Variants in SDCCAG8 observed in about 807,000 individuals in gnomAD.
SDCCAG8 encodes the protein serologically defined colon cancer antigen 8.
A neutral mutation model predicts 101.8 loss-of-function variants in SDCCAG8; 74 were observed. That is an observed-to-expected ratio of 0.73 (90% confidence interval 0.60 to 0.88). The LOEUF is 0.88. Among genes scored for constraint, SDCCAG8 ranks in the 40% least tolerant of loss-of-function variants. The pLI, the probability that SDCCAG8 is intolerant of heterozygous loss-of-function variation, is 0.00. For synonymous variants in SDCCAG8, 281 were observed against 292.9 expected, an observed-to-expected ratio of 0.96 and a Z score of 0.41; for missense variants, 787 against 822.6, an observed-to-expected ratio of 0.96 and a Z score of 0.53.
chr1:243,304,474 T>C (rs2071877424), intron 6 of SDCCAG8, among the ~76,000 whole-genome samples: 1 of 152,212 alleles, frequency 6.6e-6, no homozygotes, highest in South Asian at 2.1e-4. Flanking sequence ...GGATAAGACC[T>C]GATATATGCA....
At chr1:243,289,725 A>G (rs73118322) in intron 5 of SDCCAG8, among the ~76,000 whole-genome samples, 8,019 of 152,218 alleles carry the variant, frequency 0.053, 694 homozygotes, top group African/African-American at 0.18. Context: ...AGGACTATCT[A>G]ATTCTCTAAA....
intron 12 of SDCCAG8, among the ~76,000 whole-genome samples, chr1:243,359,476 T>A (rs1268467840): frequency 6.6e-6 from 1 of 152,106 alleles, no homozygotes; most frequent in Non-Finnish European, 1.5e-5. Context: ...ATCATCCAAG[T>A]CATATTTTAG....
At chr1:243,498,113 T>A (rs1668491063) in intron 17 of SDCCAG8, among the ~76,000 whole-genome samples, 1 of 152,196 alleles carries the variant, frequency 6.6e-6, no homozygotes, top group African/African-American at 2.4e-5. Flanking sequence ...ATGTGGCCAA[T>A]CCATGGAGCA....
At chr1:243,461,742 T>TTTAAAAA (rs1659149413) in intron 16 of SDCCAG8, among the ~76,000 whole-genome samples, 3 of 152,250 alleles carry the variant, frequency 2.0e-5, no homozygotes, top group Middle Eastern at 3.4e-3. Flanking sequence ...AAATGTACCA[T>TTTAAAAA]GGTACATTTT....
At chr1:243,324,459 C>CTT (rs34446782) in intron 9 of SDCCAG8, among the ~76,000 whole-genome samples, 40,460 of 86,898 alleles carry the variant, frequency 0.47, 11,370 homozygotes, top group Non-Finnish European at 0.52. Flanking sequence ...TCTTCACATG[C>CTT]TTTTTTTTTT....
chr1:243,393,817 A>G (rs1413676401), intron 13 of SDCCAG8, among the ~76,000 whole-genome samples: 1 of 152,228 alleles, frequency 6.6e-6, no homozygotes, highest in Non-Finnish European at 1.5e-5. Flanking sequence ...AAAAACTAAA[A>G]GCAACCATGT....
rs567072116 is a variant in SDCCAG8 at position 243,451,870 on chromosome 1, C to T, written c.1985+25312C>T. Among the ~76,000 whole-genome samples the T allele has an allele frequency of 2.6e-5, 4 of 152,216 alleles. No individual in the cohort carries two copies. In the East Asian group the frequency reaches 5.8e-4, roughly 22 times the overall value. ...TTTGAGCCCAGGAGGCAGAGGTTGCCGTGAGCTGAGATCACGCCACTGCAC... is the reference window on the plus strand; with the variant it reads ...TTTGAGCCCAGGAGGCAGAGGTTGCTGTGAGCTGAGATCACGCCACTGCAC... On this transcript the variant is annotated intron_variant, in intron 16 of 17. Transcript: ENST00000366541.
chr1:243,465,641 A>G (rs1297962439), intron 16 of SDCCAG8, among the ~76,000 whole-genome samples: 3 of 152,204 alleles, frequency 2.0e-5, no homozygotes, highest in African/African-American at 4.8e-5. Context: ...CAGATAATTT[A>G]GGTGTCACAG....
chr1:243,286,054 T>C (rs546398921), intron 4 of SDCCAG8, among the ~76,000 whole-genome samples: 1 of 152,360 alleles, frequency 6.6e-6, no homozygotes, highest in South Asian at 2.1e-4. Context: ...GACACACTTC[T>C]GTGATATGCC....
intron 13 of SDCCAG8, among the ~76,000 whole-genome samples, chr1:243,389,823 A>G (rs958291390): frequency 3.0e-4 from 46 of 152,266 alleles, no homozygotes; most frequent in African/African-American, 1.1e-3. Flanking sequence ...TAGGCAGGGG[A>G]TGAAGGGCAA....
chr1:243,312,706 CAAAAA>C (rs34803859), intron 8 of SDCCAG8, among the ~76,000 whole-genome samples: 7 of 99,194 alleles, frequency 7.1e-5, no homozygotes, highest in East Asian at 6.3e-4. Flanking sequence ...AACCTGTCTC[CAAAAA>C]AAAAAAAAAA....
At chr1:243,400,792 T>G (rs1012336210) in intron 13 of SDCCAG8, among the ~76,000 whole-genome samples, 5 of 152,332 alleles carry the variant, frequency 3.3e-5, no homozygotes, top group African/African-American at 1.2e-4. Context: ...AATAAGATGT[T>G]ATTGTGGATG....
intron 13 of SDCCAG8, among the ~76,000 whole-genome samples, chr1:243,393,714 A>G (rs1230023529): frequency 1.3e-5 from 2 of 152,224 alleles, no homozygotes; most frequent in East Asian, 3.9e-4. Flanking sequence ...TATACATTTT[A>G]TGCATCAAAA....
intron 4 of SDCCAG8, among the ~76,000 whole-genome samples, chr1:243,274,919 G>T (rs1035292708): frequency 1.3e-5 from 2 of 152,126 alleles, no homozygotes; most frequent in Admixed American, 1.3e-4. Context: ...TCATATTTCA[G>T]AAGTTTTCCT....
chr1:243,306,746 A>G (rs2149317885), intron 7 of SDCCAG8, among the ~76,000 whole-genome samples: 1 of 152,228 alleles, frequency 6.6e-6, no homozygotes, highest in East Asian at 1.9e-4. Flanking sequence ...TCTTGGTGTT[A>G]TTATTTTGGG....
At chr1:243,471,309 G>C (rs181885615) in intron 16 of SDCCAG8, among the ~76,000 whole-genome samples, 1 of 152,320 alleles carries the variant, frequency 6.6e-6, no homozygotes, top group East Asian at 1.9e-4. Flanking sequence ...CTGCTGGAGA[G>C]GCAATTGGCC....
intron 12 of SDCCAG8, among the ~76,000 whole-genome samples, chr1:243,362,816 A>G (rs2076793697): frequency 6.6e-6 from 1 of 152,226 alleles, no homozygotes; most frequent in South Asian, 2.1e-4. Context: ...AGAGCCAACT[A>G]TCATTTGCCT....
intron 16 of SDCCAG8, among the ~76,000 whole-genome samples, chr1:243,450,706 G>A (rs565439839): frequency 5.9e-5 from 9 of 152,220 alleles, no homozygotes; most frequent in African/African-American, 2.2e-4. Flanking sequence ...TGCCCAGGCT[G>A]GGAGTACAGT....
chr1:243,307,727 G>A (rs939808372), intron 7 of SDCCAG8: 53 of 1,362,982 alleles, frequency 3.9e-5, no homozygotes, highest in Non-Finnish European at 4.7e-5. Flanking sequence ...AGTGTCAGGC[G>A]GATTCTAATC....
Sources: gnomAD v4.1 joint callset for allele counts (sites outside exome capture counted in the v4.1 genomes callset) on GRCh38, gnomAD v4.1.1 for gene constraint, MANE v1.5 for transcripts, NCBI Gene and HGNC (gene_info 2026-07-23, HGNC 2026-07-21) for gene names.